TMEM39A: variants seen among roughly 807,000 people sequenced by gnomAD.
TMEM39A encodes suppressor of SQST-1 aggregates in rpl-43 mutants.
TMEM39A carries 19 observed loss-of-function variants against 51.9 expected under a neutral mutation model. The ratio of observed to expected loss-of-function variants is 0.37; its 90% CI spans 0.26 to 0.54. TMEM39A has a LOEUF of 0.54. TMEM39A is among the 20% of genes least tolerant of loss of function. TMEM39A has a pLI of 0.88. For missense variants in TMEM39A, 433 were observed against 590.5 expected (o/e 0.73, Z 2.76); for synonymous variants, 197 against 220.2 (o/e 0.89, Z 0.93).
chr3:119,436,615 G>A (rs573337247), intron 7 of TMEM39A, 176 bp downstream of exon 7: 10 of 631,822 alleles, frequency 1.6e-5, no homozygotes, highest in African/African-American at 1.4e-4. Flanking sequence ...TGGGGTGGTG[G>A]TGGAAATGAG....
intron 3 of TMEM39A, among the ~76,000 whole-genome samples, chr3:119,457,191 C>G (rs2081276826): frequency 6.6e-6 from 1 of 151,338 alleles, no homozygotes; most frequent in South Asian, 2.1e-4. Context: ...AGGATGGTCT[C>G]GATCTCTTAA....
chr3:119,449,623 C>G (rs1057396290), intron 4 of TMEM39A, among the ~76,000 whole-genome samples: 1 of 151,914 alleles, frequency 6.6e-6, no homozygotes, highest in African/African-American at 2.4e-5. Flanking sequence ...ACTCTGTCTG[C>G]CCCCCACCCC....
chr3:119,444,415 T>C (rs2081096409), intron 5 of TMEM39A, among the ~76,000 whole-genome samples: 1 of 152,234 alleles, frequency 6.6e-6, no homozygotes, highest in Non-Finnish European at 1.5e-5. Context: ...AAAATGTTCG[T>C]AACAGATAAT....
At chr3:119,453,492 G>A (rs9815589) in intron 3 of TMEM39A, among the ~76,000 whole-genome samples, 1 of 152,204 alleles carries the variant, frequency 6.6e-6, no homozygotes, top group Non-Finnish European at 1.5e-5. Flanking sequence ...TCATTTTCCA[G>A]CCTCCCTTGC....
intron 7 of TMEM39A, chr3:119,436,071 AG>A (rs1016184757): frequency 7.6e-5 from 41 of 536,032 alleles, no homozygotes; most frequent in African/African-American, 6.7e-4. Context: ...AAATTACAAA[AG>A]GGGGAAGATG....
intron 4 of TMEM39A, chr3:119,451,346 T>TAA: frequency 8.2e-7 from 1 of 1,212,948 alleles, no homozygotes; most frequent in Non-Finnish European, 1.1e-6. Context: ...GAAAAAGAAG[T>TAA]TGACTCTCAA....
chr3:119,440,347 G>T (rs986759587), intron 5 of TMEM39A, among the ~76,000 whole-genome samples: 5 of 152,124 alleles, frequency 3.3e-5, no homozygotes, highest in African/African-American at 4.8e-5. Flanking sequence ...GTGAGGTAAA[G>T]AAAATAATTC....
At chr3:119,444,721 C>T (rs1023534455) in intron 5 of TMEM39A, among the ~76,000 whole-genome samples, 18 of 152,164 alleles carry the variant, frequency 1.2e-4, no homozygotes, top group African/African-American at 3.9e-4. Flanking sequence ...GTCCTACTTT[C>T]CAGTTTCTAT....
intron 5 of TMEM39A, among the ~76,000 whole-genome samples, chr3:119,445,644 C>A (rs918142329): frequency 6.6e-6 from 1 of 152,198 alleles, no homozygotes; most frequent in Non-Finnish European, 1.5e-5. Flanking sequence ...ATGATACACA[C>A]ATGCTGAAGT....
At chr3:119,449,073 T>A (rs183416066) in intron 4 of TMEM39A, among the ~76,000 whole-genome samples, 1 of 152,172 alleles carries the variant, frequency 6.6e-6, no homozygotes, top group African/African-American at 2.4e-5. Context: ...ATTCTAGAGA[T>A]GGCTTGTGTT....
At chr3:119,441,392 G>GC (rs139192503) in intron 5 of TMEM39A, among the ~76,000 whole-genome samples, 23,236 of 152,124 alleles carry the variant, frequency 0.15, 2,088 homozygotes, top group South Asian at 0.22. Flanking sequence ...TGGTAACAAA[G>GC]AAAACAGCCT....
chr3:119,435,676 TAAA>T (rs11410721), intron 7 of TMEM39A: 23 of 931,438 alleles, frequency 2.5e-5, no homozygotes, highest in Admixed American at 6.5e-5. Flanking sequence ...GATATGTTAT[TAAA>T]AAAAAAAAAA....
intron 4 of TMEM39A, among the ~76,000 whole-genome samples, chr3:119,451,830 CA>C (rs10653676): frequency 6.3e-4 from 34 of 54,276 alleles, no homozygotes; most frequent in South Asian, 5.7e-3. Context: ...AACTCCGTCT[CA>C]AAAAAAAAAA....
At chr3:119,436,689 T>C in intron 7 of TMEM39A, 102 bp downstream of exon 7, 1 of 1,294,808 alleles carries the variant, frequency 7.7e-7, no homozygotes, top group Non-Finnish European at 1.1e-6. Flanking sequence ...AAACTAAAAA[T>C]TAAATGTTCA....
At chr3:119,451,143 T>A in intron 4 of TMEM39A, 1 of 789,110 alleles carries the variant, frequency 1.3e-6, no homozygotes, top group Non-Finnish European at 1.6e-6. Flanking sequence ...ATCCTCTAAA[T>A]AAAAACTCTG....
In TMEM39A at chr3:119,451,138, C is replaced by G; in HGVS notation, c.420+1309G>C. ...AAAAGTGAGTTTCTATTTCCATCCTCTAAATAAAAACTCTGAAAGAAAAGA... is the reference window on the plus strand; with the variant it reads ...AAAAGTGAGTTTCTATTTCCATCCTGTAAATAAAAACTCTGAAAGAAAAGA... On this transcript the variant is annotated intron_variant, in intron 4 of 8. Coordinates refer to ENST00000319172, the MANE Select transcript of TMEM39A (RefSeq NM_018266.3). The G allele has an allele frequency of 8.4e-6, 6 of 717,348 alleles. No individual in the cohort carries two copies. The South Asian group carries it at 2.1e-4, about 25-fold the overall frequency. The allele number at this position is 717,348 out of a possible 1,614,324, so 44.4% of individuals were successfully genotyped here. A position where few individuals can be genotyped will look rare whatever the true frequency, so the allele number is the denominator to read the frequency against.
At chr3:119,446,793 T>A in intron 5 of TMEM39A, 2 of 477,042 alleles carry the variant, frequency 4.2e-6, no homozygotes, top group South Asian at 3.2e-5. Context: ...CAACACACCC[T>A]ACATTCCAGG....
intron 6 of TMEM39A, among the ~76,000 whole-genome samples, chr3:119,437,361 A>G (rs1380240453): frequency 1.3e-5 from 2 of 152,090 alleles, no homozygotes; most frequent in Admixed American, 1.3e-4. Context: ...AAGTAAACTG[A>G]AGTTTAGATA....
chr3:119,457,973 C>T (rs1181773055), intron 3 of TMEM39A, 45 bp downstream of exon 3: 1 of 1,453,334 alleles, frequency 6.9e-7, no homozygotes, highest in South Asian at 1.2e-5. Context: ...CAGGTAGTTT[C>T]TTGGGTAAGT....
Sources: gnomAD v4.1 joint callset for allele counts (sites outside exome capture counted in the v4.1 genomes callset) on GRCh38, gnomAD v4.1.1 for gene constraint, MANE v1.5 for transcripts, NCBI Gene and HGNC (gene_info 2026-07-23, HGNC 2026-07-21) for gene names.